The following DPP10 variants were observed in gnomAD, a reference collection of about 807,000 sequenced individuals.
The protein encoded by DPP10 is inactive dipeptidyl peptidase 10.
DPP10 carries 33 observed loss-of-function variants against 120.9 expected under a neutral mutation model. The ratio of observed to expected loss-of-function variants is 0.27; its 90% CI spans 0.21 to 0.37. DPP10 has a LOEUF of 0.37. DPP10 is among the 10% of genes least tolerant of loss of function. The probability of loss-of-function intolerance (pLI) is 1.00; values close to 1 mark genes in which losing one functional copy is unlikely to be tolerated. For missense variants in DPP10, 816 were observed against 942.8 expected (o/e 0.87, Z 1.76); for synonymous variants, 337 against 326.1 (o/e 1.03, Z -0.36).
In DPP10 at chr2:114,848,147, A is replaced by G. The variant is rs868257956; in HGVS notation, c.60+405309A>G. Among the ~76,000 whole-genome samples, 18 of 152,334 alleles carry G rather than the reference A, an allele frequency of 1.2e-4. 1 individual carries two copies. The highest frequency in any genetic ancestry group is 2.1e-4 in the South Asian group (1 of 4,832). ...ATGGCCCGAGTTTATAAAACAGAAC[A>G]TAGATGAATCTGGCCAACAAGTAGA... On this transcript the variant is annotated intron_variant, in intron 1 of 25. Coordinates refer to ENST00000410059, the MANE Select transcript of DPP10 (RefSeq NM_020868.6).
chr2:114,495,875 A>G (rs1352930476), intron 1 of DPP10, among the ~76,000 whole-genome samples: 4 of 152,208 alleles, frequency 2.6e-5, no homozygotes, highest in Non-Finnish European at 5.9e-5. Flanking sequence ...CTAACTGAAT[A>G]TATAGATAGA....
chr2:114,706,362 G>A (rs569115888), intron 1 of DPP10, among the ~76,000 whole-genome samples: 4 of 152,228 alleles, frequency 2.6e-5, no homozygotes, highest in South Asian at 2.1e-4. Flanking sequence ...AGTAATTTAC[G>A]CTTTCACAGT....
intron 2 of DPP10, among the ~76,000 whole-genome samples, chr2:115,338,861 C>T (rs1466015335): frequency 6.6e-6 from 1 of 151,972 alleles, no homozygotes; most frequent in Non-Finnish European, 1.5e-5. Flanking sequence ...AGGAAAAAGC[C>T]ATAGGAGAAA....
chr2:115,826,698 G>A (rs1688355889), intron 21 of DPP10, among the ~76,000 whole-genome samples: 1 of 152,158 alleles, frequency 6.6e-6, no homozygotes, highest in Non-Finnish European at 1.5e-5. Flanking sequence ...TCCAGCCTGG[G>A]CGACTTTATT....
At chr2:115,628,555 T>C (rs1308164823) in intron 5 of DPP10, among the ~76,000 whole-genome samples, 1 of 152,152 alleles carries the variant, frequency 6.6e-6, no homozygotes, top group Non-Finnish European at 1.5e-5. Context: ...TCTTTTGTTG[T>C]AATTGTTTTG....
intron 1 of DPP10, among the ~76,000 whole-genome samples, chr2:115,257,593 C>G (rs1295196967): frequency 1.3e-5 from 2 of 152,154 alleles, no homozygotes; most frequent in South Asian, 2.1e-4. Context: ...ACCCACCAGG[C>G]CCCATCTTCA....
intron 7 of DPP10, among the ~76,000 whole-genome samples, chr2:115,708,509 T>A (rs1185066571): frequency 1.3e-5 from 2 of 152,040 alleles, no homozygotes; most frequent in African/African-American, 4.8e-5. Flanking sequence ...ATCCCAGAAC[T>A]AAACTGGGAT....
intron 1 of DPP10, among the ~76,000 whole-genome samples, chr2:115,220,278 T>C (rs951767624): frequency 6.6e-6 from 1 of 152,200 alleles, no homozygotes; most frequent in Non-Finnish European, 1.5e-5. Context: ...GTAGGTATTG[T>C]ATTGCCATGA....
intron 3 of DPP10, among the ~76,000 whole-genome samples, chr2:115,402,062 C>A (rs529123905): frequency 6.6e-6 from 1 of 152,090 alleles, no homozygotes; most frequent in African/African-American, 2.4e-5. Flanking sequence ...AGGAGTGAGG[C>A]TAAGACTTCC....
At chr2:115,779,749 A>G (rs1196222956) in intron 15 of DPP10, among the ~76,000 whole-genome samples, 1 of 152,058 alleles carries the variant, frequency 6.6e-6, no homozygotes, top group Admixed American at 6.6e-5. Flanking sequence ...AAAATGACAA[A>G]TGTTATGTTA....
chr2:115,465,200 A>G (rs2074245809), intron 3 of DPP10, among the ~76,000 whole-genome samples: 1 of 152,226 alleles, frequency 6.6e-6, no homozygotes, highest in South Asian at 2.1e-4. Flanking sequence ...GTAGTAATAC[A>G]CACTCATAAA....
At chr2:114,525,195 T>C (rs188448561) in intron 1 of DPP10, among the ~76,000 whole-genome samples, 2 of 152,340 alleles carry the variant, frequency 1.3e-5, no homozygotes, top group African/African-American at 2.4e-5. Context: ...AATAAATAGA[T>C]GTTAGTGCAT....
At chr2:114,679,480 C>T (rs562747145) in intron 1 of DPP10, among the ~76,000 whole-genome samples, 1 of 151,952 alleles carries the variant, frequency 6.6e-6, no homozygotes, top group Admixed American at 6.6e-5. Context: ...GAGATGCAAT[C>T]CAGGAGGTGA....
At chr2:115,269,007 C>T (rs567051569) in intron 1 of DPP10, among the ~76,000 whole-genome samples, 12 of 152,152 alleles carry the variant, frequency 7.9e-5, no homozygotes, top group Admixed American at 2.6e-4. Flanking sequence ...ATTAGCTGGG[C>T]GTGGTGGCAC....
intron 1 of DPP10, among the ~76,000 whole-genome samples, chr2:115,197,273 T>C (rs2055352104): frequency 6.6e-6 from 1 of 151,818 alleles, no homozygotes; most frequent in South Asian, 2.1e-4. Context: ...ACACCTGTAG[T>C]CCCAGCTACT....
At chr2:114,960,749 A>G (rs1698552339) in intron 1 of DPP10, among the ~76,000 whole-genome samples, 1 of 152,124 alleles carries the variant, frequency 6.6e-6, no homozygotes, top group Non-Finnish European at 1.5e-5. Flanking sequence ...GTCGCTGGAC[A>G]TTCATTGTAA....
intron 3 of DPP10, among the ~76,000 whole-genome samples, chr2:115,387,743 A>G (rs567829943): frequency 2.0e-5 from 3 of 152,156 alleles, no homozygotes; most frequent in Non-Finnish European, 4.4e-5. Context: ...TTGTGCTTTT[A>G]TAGGTCATAG....
intron 3 of DPP10, among the ~76,000 whole-genome samples, chr2:115,403,640 T>C (rs1391563196): frequency 6.6e-6 from 1 of 152,018 alleles, no homozygotes; most frequent in Non-Finnish European, 1.5e-5. Flanking sequence ...CCTCAAGTGA[T>C]CCATCCACCT....
At chr2:115,302,548 T>C (rs1450337518) in intron 1 of DPP10, among the ~76,000 whole-genome samples, 4 of 151,412 alleles carry the variant, frequency 2.6e-5, no homozygotes, top group Admixed American at 6.6e-5. Flanking sequence ...GCCCAGGAGG[T>C]TGATACTACA....
Sources: gnomAD v4.1 joint callset for allele counts (sites outside exome capture counted in the v4.1 genomes callset) on GRCh38, gnomAD v4.1.1 for gene constraint, MANE v1.5 for transcripts, NCBI Gene and HGNC (gene_info 2026-07-23, HGNC 2026-07-21) for gene names.